ANKRD27: variants seen among roughly 807,000 people sequenced by gnomAD.
ANKRD27 encodes ankyrin repeat domain-containing protein 27.
Under a neutral mutation model 129.7 loss-of-function variants are expected in ANKRD27, and 112 were observed. The ratio of observed to expected loss-of-function variants is 0.86; its 90% CI spans 0.74 to 1.01. The LOEUF is 1.01. Among genes scored for constraint, ANKRD27 ranks in the 50% least tolerant of loss-of-function variants. The pLI, the probability that ANKRD27 is intolerant of heterozygous loss-of-function variation, is 0.00. For missense variants in ANKRD27, 1,258 were observed against 1,300.5 expected, an observed-to-expected ratio of 0.97 and a Z score of 0.50; for synonymous variants, 516 against 511.2, an observed-to-expected ratio of 1.01 and a Z score of -0.13.
chr19:32,671,864 T>C (rs1967876484), intron 1 of ANKRD27, among the ~76,000 whole-genome samples: 1 of 152,270 alleles, frequency 6.6e-6, no homozygotes. Context: ...GAAAATCCAG[T>C]TGAGTTAGCT....
intron 1 of ANKRD27, among the ~76,000 whole-genome samples, chr19:32,661,325 T>C (rs1422855510): frequency 6.6e-6 from 1 of 151,592 alleles, no homozygotes; most frequent in African/African-American, 2.4e-5. Flanking sequence ...AAATAGAACT[T>C]TGGATGTTAT....
At chr19:32,651,833 G>A (rs1437061365) in intron 2 of ANKRD27, among the ~76,000 whole-genome samples, 1 of 152,220 alleles carries the variant, frequency 6.6e-6, no homozygotes, top group Non-Finnish European at 1.5e-5. Flanking sequence ...ACACGAGGCA[G>A]GTGCCCAGTG....
intron 3 of ANKRD27, among the ~76,000 whole-genome samples, chr19:32,648,705 C>A (rs1474299496): frequency 5.3e-5 from 8 of 150,826 alleles, no homozygotes; most frequent in Non-Finnish European, 1.5e-5. Context: ...GAGGCTGAGG[C>A]AGGAGAATGG....
chr19:32,632,458 G>A (rs1333514165), intron 12 of ANKRD27, among the ~76,000 whole-genome samples: 2 of 151,610 alleles, frequency 1.3e-5, no homozygotes, highest in African/African-American at 2.4e-5. Context: ...GGTGGCGGGC[G>A]CCTGTAATCC....
intron 1 of ANKRD27, among the ~76,000 whole-genome samples, chr19:32,672,064 TCAG>T (rs1317846429): frequency 6.6e-6 from 1 of 152,190 alleles, no homozygotes; most frequent in Non-Finnish European, 1.5e-5. Context: ...GCAGCCCAGC[TCAG>T]CAGAATTCAG....
chr19:32,626,339 A>T (rs184682074), intron 16 of ANKRD27, among the ~76,000 whole-genome samples: 10 of 152,094 alleles, frequency 6.6e-5, no homozygotes, highest in African/African-American at 2.2e-4. Flanking sequence ...AGATAATTTT[A>T]AAAAAATATT....
At chr19:32,671,848 T>G (rs887594502) in intron 1 of ANKRD27, among the ~76,000 whole-genome samples, 8 of 152,190 alleles carry the variant, frequency 5.3e-5, no homozygotes, top group African/African-American at 1.9e-4. Flanking sequence ...GATGGGAAAA[T>G]GTACAGAAAA....
In ANKRD27 at chr19:32,602,082, A is replaced by G; in HGVS notation, c.2700T>C (p.Val900=). 17 of 1,614,140 alleles carry G rather than the reference A, an allele frequency of 1.1e-5. No individual in the cohort carries two copies. Among genetic ancestry groups the G allele is most frequent in the South Asian group, 2.2e-5 (2 of 91,074 alleles). Residue 900 remains valine, a synonymous_variant, in exon 26 of 29, where the codon GTT becomes GTC. Coordinates refer to ENST00000306065, the MANE Select transcript of ANKRD27 (RefSeq NM_032139.3). ...TTTCAGCCACATCATCTAATGAAGC[A>G]ACACAGCTTGGTACCACCTGAAGCA... ...MELLQVVPSC[V]ASLDDVAETD...
chr19:32,639,848 C>G (rs981335167), intron 11 of ANKRD27, among the ~76,000 whole-genome samples: 1 of 152,214 alleles, frequency 6.6e-6, no homozygotes, highest in Non-Finnish European at 1.5e-5. Context: ...CTTGGTTTCC[C>G]CATCTGTAAG....
At chr19:32,598,750 A>G (rs1226664149) in intron 28 of ANKRD27, among the ~76,000 whole-genome samples, 7 of 144,780 alleles carry the variant, frequency 4.8e-5, no homozygotes. Flanking sequence ...TGGCTTTCCC[A>G]CAAAGCAGCA....
At chr19:32,664,387 C>T (rs1443198554) in intron 1 of ANKRD27, among the ~76,000 whole-genome samples, 1 of 150,420 alleles carries the variant, frequency 6.6e-6, no homozygotes, top group African/African-American at 2.4e-5. Flanking sequence ...CTCTGGGAGG[C>T]TGAGGTGGGT....
In ANKRD27 at chr19:32,641,945, C is replaced by T. The variant is rs576425411; in HGVS notation, c.904+79G>A. 3.9e-5 allele frequency: 58 copies of T among 1,479,748 alleles called. No individual in the cohort carries two copies. In the South Asian group the frequency reaches 7.7e-4, roughly 20 times the overall value. 91.7% of individuals were successfully genotyped at this position (1,479,748 alleles called of 1,614,324 possible). On this transcript the variant is annotated intron_variant, in intron 10 of 28. Transcript: ENST00000306065. ...ACTGCACCCAGCCCCATAAAAATCC[C>T]TTAAGACAGCATCACTCTTTGCTTT... is the stretch of plus-strand genomic sequence containing the variant.
At position 32,622,462 on chromosome 19, in the gene ANKRD27, C is replaced by G. The variant is rs760504851; in HGVS notation, c.1787G>C (p.Arg596Thr). The G allele has an allele frequency of 6.2e-7, 1 of 1,613,940 alleles. No homozygotes were observed. The highest frequency in any genetic ancestry group is 2.2e-5 in the East Asian group (1 of 44,868). ...QNGASTEIQN[R>T]LKETPLKCAL... ...ACACTTGAGGGGCGTCTCCTTCAGT[C>G]TGTTCTGGATCTCGGTGGACGCTCC... Residue 596 changes from arginine to threonine, a missense_variant, in exon 18 of 29, where the codon AGA (arginine) becomes ACA (threonine). Coordinates refer to ENST00000306065, the MANE Select transcript of ANKRD27 (RefSeq NM_032139.3).
At position 32,663,620 on chromosome 19, in the gene ANKRD27, C is replaced by A. The variant is rs552758713; in HGVS notation, c.-30-4575G>T. On this transcript the variant is annotated intron_variant, in intron 1 of 28. Transcript: ENST00000306065. ...GGTTGATAATGCTACGGCTGTCACA[C>A]TCCAAGATCCCACGTATGTTTAGCC... Among the ~76,000 whole-genome samples the A allele has an allele frequency of 2.1e-4, 32 of 152,310 alleles. No homozygotes were observed. The South Asian group carries it at 5.6e-3, about 27-fold the overall frequency.
rs1203160490 is a variant in ANKRD27, at chr19:32,646,576, C to T, written c.253G>A (p.Gly85Ser). 6.2e-7 allele frequency: 1 copy of T among 1,613,800 alleles called. No individual in the cohort carries two copies. The highest frequency in any genetic ancestry group is 8.5e-7 in the Non-Finnish European group (1 of 1,179,980). ...GGCACTGAGAGAAGACAGGCAAAAC[C>T]AGCTCCTAATTTAATCCTGTTCCCT... is the stretch of plus-strand genomic sequence containing the variant. ...IQGNRIKLGAGFACLLSVPIL... is the reference protein window; with the variant it reads ...IQGNRIKLGASFACLLSVPIL... Residue 85 changes from glycine (G) to serine (S), a missense_variant, in exon 4 of 29, where the codon GGT becomes AGT. By Grantham distance (56) the Gly-to-Ser change is moderately conservative. Transcript: ENST00000306065.
At chr19:32,673,497 G>C (rs926273137) in intron 1 of ANKRD27, 1 of 980,602 alleles carries the variant, frequency 1.0e-6, no homozygotes, top group Non-Finnish European at 1.2e-6. Flanking sequence ...TTCTCTGCTA[G>C]GTGCTCAGGA....
At position 32,662,680 on chromosome 19, in the gene ANKRD27, T is replaced by A. The variant is rs527644656; in HGVS notation, c.-30-3635A>T. Among the ~76,000 whole-genome samples, 3 of 152,226 alleles carry A rather than the reference T, an allele frequency of 2.0e-5. No homozygotes were observed. The East Asian group carries it at 5.8e-4, about 29-fold the overall frequency. The stretch of plus-strand genomic sequence containing the variant: ...TCGCTTGAGCCCAGGAGTTTGAGGC[T>A]GCAATGAACTATGATTGAAACACTG... On this transcript the variant is annotated intron_variant, in intron 1 of 28. Transcript: ENST00000306065.
At chr19:32,610,987 TTAAAATAAAA>T (rs72333215) in intron 22 of ANKRD27, among the ~76,000 whole-genome samples, 3 of 150,282 alleles carry the variant, frequency 2.0e-5, no homozygotes, top group Admixed American at 1.3e-4. Context: ...TCTCTAAAAA[TTAAAATAAAA>T]TAAAATAAAA....
intron 23 of ANKRD27, among the ~76,000 whole-genome samples, chr19:32,607,137 G>A (rs1390038251): frequency 2.1e-5 from 2 of 94,966 alleles, no homozygotes; most frequent in African/African-American, 3.8e-5. Context: ...AGAGCAAGGT[G>A]ATGTCTTAAA....
Sources: allele counts gnomAD v4.1 joint callset (sites outside exome capture counted in the v4.1 genomes callset), GRCh38; gene constraint gnomAD v4.1.1; transcripts MANE v1.5; gene names NCBI Gene and HGNC (gene_info 2026-07-23, HGNC 2026-07-21).